The following BCL9L variants were observed in gnomAD, a reference collection of about 807,000 sequenced individuals.
The protein encoded by BCL9L is BCL9 like.
A neutral mutation model predicts 99.4 loss-of-function variants in BCL9L; 19 were observed. The ratio of observed to expected loss-of-function variants is 0.19; its 90% confidence interval spans 0.13 to 0.28. The LOEUF (loss-of-function observed/expected upper bound fraction) is 0.28, where lower values mean the gene tolerates loss of function less well. Among genes scored for constraint, BCL9L ranks in the 10% least tolerant of loss-of-function variants. The pLI, the probability that BCL9L is intolerant of heterozygous loss-of-function variation, is 1.00. For missense variants in BCL9L, 2,023 were observed against 2,101.6 expected (o/e 0.96, Z 0.73); for synonymous variants, 900 against 854.8 (o/e 1.05, Z -0.92).
intron 3 of BCL9L, among the ~76,000 whole-genome samples, chr11:118,909,231 A>G (rs1314521888): frequency 1.3e-5 from 2 of 152,018 alleles, no homozygotes; most frequent in Non-Finnish European, 2.9e-5. Context: ...TTGGCAGGCC[A>G]GGCCGGCAGG....
rs747103686 is a variant in BCL9L at position 118,901,261 on chromosome 11, C to T, written c.2482G>A (p.Val828Met). 6.8e-6 allele frequency: 11 copies of T among 1,614,030 alleles called. No homozygotes were observed. Among genetic ancestry groups the T allele is most frequent in the South Asian group, 2.2e-5 (2 of 91,082 alleles). Residue 828 changes from valine (V) to methionine (M), a missense_variant, in exon 8 of 10, where the codon GTG (valine) becomes ATG (methionine). Val to Met is a conservative substitution (Grantham distance 21). Coordinates refer to ENST00000683865, the MANE Select transcript of BCL9L (RefSeq NM_001378213.1). This position sits in a 1 kb window ranked among gnomAD's most constrained non-coding sequence, Gnocchi z 6.6. ...ARVRAQNSSG[V>M]MGGPQKMLMP... ...AGCATCTTCTGCGGGCCGCCCATCA[C>T]GCCACTGCTGTTCTGGGCCCGAACC...
chr11:118,908,311 T>C lies in BCL9L; in HGVS notation c.371A>G (p.Gln124Arg). The change falls in exon 4 of 10, where the codon CAG becomes CGG. Residue 124 changes from glutamine (Q) to arginine (R), a missense_variant. Physicochemically the swap from Gln to Arg is conservative, Grantham distance 43. Coordinates refer to ENST00000683865, the MANE Select transcript of BCL9L (RefSeq NM_001378213.1). ...DRSVSVDSGEQREAGTPSLDS... is the reference protein window; with the variant it reads ...DRSVSVDSGERREAGTPSLDS... ...CAGGGATGGGGTCCCAGCCTCTCGC[T>C]GCTCTCCAGAGTCCACAGACACACT... The C allele has an allele frequency of 6.3e-7, 1 of 1,582,114 alleles. No individual in the cohort carries two copies. The highest frequency in any genetic ancestry group is 2.2e-5 in the East Asian group (1 of 44,450).
At position 118,902,819 on chromosome 11, in the gene BCL9L, C is replaced by T. The variant is rs369121193; in HGVS notation, c.924G>A (p.Pro308=). Residue 308 remains proline, a synonymous_variant, in exon 8 of 10, where the codon CCG becomes CCA. Transcript: ENST00000683865. This position sits in a 1 kb window ranked among gnomAD's most constrained non-coding sequence, Gnocchi z 7.8. The part of the protein sequence containing the change: ...TPQSQPPPLP[P]PPPPAPGSAP... ...CACTGCCAGGGGCCGGGGGTGGCGGCGGCGGCAGTGGAGGTGGCTGGGACT... is the reference window on the plus strand; with the variant it reads ...CACTGCCAGGGGCCGGGGGTGGCGGTGGCGGCAGTGGAGGTGGCTGGGACT... 39 of 1,549,308 alleles carry T rather than the reference C, an allele frequency of 2.5e-5. No individual in the cohort carries two copies. In the African/African-American group the frequency reaches 2.6e-4, roughly 10 times the overall value.
In BCL9L at chr11:118,902,709, C is replaced by T. The variant is rs370928092; in HGVS notation, c.1034G>A (p.Gly345Asp). 4 of 1,598,398 alleles carry T rather than the reference C, an allele frequency of 2.5e-6. No individual in the cohort carries two copies. The highest frequency in any genetic ancestry group is 1.6e-4 in the Middle Eastern group (1 of 6,080). ...APNSVGAAST[G>D]GGTGGTHPNT... ...AGGGTGGGTGCCCCCAGTCCCACCA[C>T]CTGTGCTGGCAGCTCCCACCGAGTT... Residue 345 changes from glycine to aspartate, a missense_variant, in exon 8 of 10, where the codon GGT becomes GAT. Gly to Asp is a moderately conservative substitution (Grantham distance 94). Coordinates refer to ENST00000683865, the MANE Select transcript of BCL9L (RefSeq NM_001378213.1). The surrounding 1 kb of genome is among the most constrained non-coding windows in gnomAD (Gnocchi z 7.8).
intron 9 of BCL9L, 26 bp downstream of exon 9, chr11:118,899,891 C>T (rs773522005): frequency 1.5e-5 from 24 of 1,602,576 alleles, no homozygotes; most frequent in East Asian, 2.2e-5. Flanking sequence ...AGCTGGCCTC[C>T]CTGGGGCCCT....
chr11:118,900,236 G>A lies in BCL9L; in HGVS notation c.3125-38C>T, dbSNP rs1352535718. ...GGAGACAAAGAGAGCAGGGGTGACTGGGGAGGGGCAGATGAGTTTGGCTGT... is the reference window on the plus strand; with the variant it reads ...GGAGACAAAGAGAGCAGGGGTGACTAGGGAGGGGCAGATGAGTTTGGCTGT... On this transcript the variant is annotated intron_variant, in intron 8 of 9. Transcript: ENST00000683865. The surrounding 1 kb of genome is among the most constrained non-coding windows in gnomAD (Gnocchi z 5.3). 5.2e-6 allele frequency: 8 copies of A among 1,538,612 alleles called. No individual in the cohort carries two copies. The highest frequency in any genetic ancestry group is 3.7e-5 in the South Asian group (3 of 81,050).
At chr11:118,905,857 G>A (rs1940496917) in intron 5 of BCL9L, among the ~76,000 whole-genome samples, 1 of 151,928 alleles carries the variant, frequency 6.6e-6, no homozygotes, top group South Asian at 2.1e-4. Context: ...AGAATCTAAG[G>A]GTAGTACGAC....
At chr11:118,917,682 G>T (rs1229025141) in intron 2 of BCL9L, among the ~76,000 whole-genome samples, 3 of 152,122 alleles carry the variant, frequency 2.0e-5, no homozygotes, top group African/African-American at 7.2e-5. Context: ...GAAGATCAGA[G>T]AGAGAGCACC....
At chr11:118,913,490 A>C (rs966163641) in intron 2 of BCL9L, among the ~76,000 whole-genome samples, 4 of 152,152 alleles carry the variant, frequency 2.6e-5, no homozygotes, top group African/African-American at 9.7e-5. Flanking sequence ...GGCCTTGGGA[A>C]GCAATCATGG....
intron 2 of BCL9L, 141 bp from the exon 3 acceptor site, chr11:118,910,156 A>C: frequency 1.6e-6 from 1 of 618,518 alleles, no homozygotes; most frequent in Non-Finnish European, 2.8e-6. Flanking sequence ...GGATTACGAG[A>C]TGGGGTCTCG....
rs532158097 is a variant in BCL9L, at chr11:118,919,271, G to A, written c.-130-392C>T. 1.6e-4 allele frequency among the ~76,000 whole-genome samples: 24 copies of A among 151,722 alleles called. No homozygotes were observed. The East Asian group carries it at 3.5e-3, about 22-fold the overall frequency. ...CCATGACCTGGCCTGAGGACCTGGG[G>A]GAGGAGAGGGATGGGGAGGTTGGAG... On this transcript the variant is annotated intron_variant, in intron 1 of 9. Transcript: ENST00000683865.
rs1044116054 is a variant in BCL9L, at chr11:118,902,405, T to C, written c.1338A>G (p.Gln446=). Residue 446 remains glutamine (Q), a synonymous_variant, in exon 8 of 10, where the codon CAA becomes CAG. Transcript: ENST00000683865. This position sits in a 1 kb window ranked among gnomAD's most constrained non-coding sequence, Gnocchi z 7.8. The part of the protein sequence containing the change: ...GGAGEGGPPA[Q]APPPPQQPPT... ...GTGGCTGCTGGGGGGGAGGGGGGGC[T>C]TGTGCTGGTGGGCCCCCCTCACCCG... 1.0e-5 allele frequency: 16 copies of C among 1,557,970 alleles called. No homozygotes were observed. The Admixed American group carries it at 2.3e-4, about 22-fold the overall frequency.
intron 2 of BCL9L, chr11:118,910,383 G>C (rs1466321458): frequency 5.7e-6 from 1 of 174,300 alleles, no homozygotes; most frequent in Non-Finnish European, 1.2e-5. Context: ...GGTACCCCTC[G>C]TGCCCCACCC....
Position 118,908,608 on chromosome 11 carries a change from G to C in BCL9L, c.74C>G (p.Ser25Cys), listed in dbSNP as rs766615347. 1 of 1,612,994 alleles carries C rather than the reference G, an allele frequency of 6.2e-7. No individual in the cohort carries two copies. Among genetic ancestry groups the C allele is most frequent in the South Asian group, 1.1e-5 (1 of 91,076 alleles). Reference protein sequence around the residue: ...RREAPGSPPLSPRGHCPPAPA... With the variant: ...RREAPGSPPLCPRGHCPPAPA... ...GGCAGGGGGGCAATGACCGCGGGGG[G>C]ACAGCGGCGGGCTCCCTGGAGCTTC... Residue 25 changes from serine to cysteine, a missense_variant, in exon 4 of 10, where the codon TCC (serine) becomes TGC (cysteine). Coordinates refer to ENST00000683865, the MANE Select transcript of BCL9L (RefSeq NM_001378213.1).
At position 118,897,768 on chromosome 11, in the gene BCL9L, G is replaced by A. The variant is rs201537577; in HGVS notation, c.*647C>T. On this transcript the variant is annotated 3_prime_UTR_variant, in exon 10 of 10. Transcript: ENST00000683865. ...GGGTTTCTTTTATCCTTTTTTTTTT[G>A]TGTGACTTCTATCAAAACACAGAAA... is the stretch of plus-strand genomic sequence containing the variant. 1 of 430,718 alleles carries A rather than the reference G, an allele frequency of 2.3e-6. No homozygotes were observed. The highest frequency in any genetic ancestry group is 4.6e-6 in the Non-Finnish European group (1 of 219,160). 26.7% of individuals were successfully genotyped at this position (430,718 alleles called of 1,614,324 possible).
chr11:118,905,944 C>T (rs919124116), intron 5 of BCL9L, among the ~76,000 whole-genome samples: 2 of 152,156 alleles, frequency 1.3e-5, no homozygotes, highest in African/African-American at 4.8e-5. Flanking sequence ...CACAGTGGCT[C>T]ACTCCTGTAA....
intron 5 of BCL9L, among the ~76,000 whole-genome samples, chr11:118,906,902 C>T (rs1182702285): frequency 6.6e-6 from 1 of 152,178 alleles, no homozygotes; most frequent in African/African-American, 2.4e-5. Context: ...GTACAAGCTT[C>T]CCAGGGGCAG....
rs1006379820 is a variant in BCL9L at position 118,898,061 on chromosome 11, C to A, written c.*354G>T. The stretch of plus-strand genomic sequence containing the variant: ...CCTGACCTGTCCTTCCTCTCTCCCC[C>A]CAGATTCCCATCCAGGACTCCAAAA... On this transcript the variant is annotated 3_prime_UTR_variant, in exon 10 of 10. Transcript: ENST00000683865. 1 of 443,910 alleles carries A rather than the reference C, an allele frequency of 2.3e-6. No individual in the cohort carries two copies. 27.5% of individuals were successfully genotyped at this position (443,910 alleles called of 1,614,324 possible). A position where few individuals can be genotyped will look rare whatever the true frequency, so the allele number is the denominator to read the frequency against.
chr11:118,911,546 CTG>C (rs1441763558), intron 2 of BCL9L, among the ~76,000 whole-genome samples: 1 of 152,242 alleles, frequency 6.6e-6, no homozygotes, highest in Non-Finnish European at 1.5e-5. Flanking sequence ...GAGGCAGAGG[CTG>C]GAGTCACTGA....
Sources: allele counts gnomAD v4.1 joint callset (sites outside exome capture counted in the v4.1 genomes callset), GRCh38; gene constraint gnomAD v4.1.1; non-coding constraint Gnocchi (gnomAD v3.1); transcripts MANE v1.5; gene names NCBI Gene and HGNC (gene_info 2026-07-23, HGNC 2026-07-21).